Variants in FAM234A observed in about 807,000 individuals in gnomAD.
The protein encoded by FAM234A is family with sequence similarity 234 member A.
FAM234A carries 42 observed loss-of-function variants against 49.1 expected under a neutral mutation model. The ratio of observed to expected loss-of-function variants is 0.86; its 90% CI spans 0.67 to 1.11. The LOEUF is 1.11. FAM234A is among the 50% of genes least tolerant of loss of function. FAM234A has a pLI of 0.00. For missense variants in FAM234A, 815 were observed against 745.2 expected, an observed-to-expected ratio of 1.09 and a Z score of -1.09; for synonymous variants, 369 against 316.2, an observed-to-expected ratio of 1.17 and a Z score of -1.77.
downstream of FAM234A, chr16:268,247 A>G (rs3743877): frequency 0.011 from 2,254 of 214,264 alleles, 85 homozygotes; most frequent in Admixed American, 0.076. Flanking sequence ...CCTCATACGC[A>G]CACACACCCA....
At chr16:261,157 C>G (rs2051448845) in intron 5 of FAM234A, 2 of 479,868 alleles carry the variant, frequency 4.2e-6, no homozygotes, top group Admixed American at 6.9e-5. Context: ...CACCGAGTCT[C>G]CATACACGGG....
chr16:263,833 C>G (rs774107610), intron 10 of FAM234A, 58 bp downstream of exon 10: 1 of 1,493,700 alleles, frequency 6.7e-7, no homozygotes, highest in Non-Finnish European at 9.3e-7. Flanking sequence ...ATAGACTGGT[C>G]TGAAAGCAGA....
intron 1 of FAM234A, among the ~76,000 whole-genome samples, chr16:243,510 T>C (rs750320002): frequency 5.9e-5 from 9 of 152,162 alleles, no homozygotes; most frequent in Non-Finnish European, 1.0e-4. Flanking sequence ...GAGAAAAACA[T>C]TGGTATCTTC....
chr16:246,914 T>G (rs1346108011), intron 1 of FAM234A: 1 of 151,786 alleles, frequency 6.6e-6, no homozygotes, highest in Non-Finnish European at 1.5e-5. Context: ...TAGTTGGGAT[T>G]ATAGGCGCAT....
Position 241,714 on chromosome 16 carries a change from G to A in FAM234A, c.-140+6857G>A, listed in dbSNP as rs573287125. 4.6e-5 allele frequency among the ~76,000 whole-genome samples: 7 copies of A among 152,066 alleles called. No homozygotes were observed. The East Asian group carries it at 1.4e-3, about 29-fold the overall frequency. ...GGGCGGATCACGAGGTCAGCAGATC[G>A]AGACCATCCTGGCTAACACAGTGAA... On this transcript the variant is annotated intron_variant, in intron 1 of 12. Transcript: ENST00000399932.
intron 5 of FAM234A, 168 bp downstream of exon 5, chr16:260,328 G>C: frequency 1.5e-6 from 1 of 660,176 alleles, no homozygotes; most frequent in Non-Finnish European, 2.6e-6. Context: ...CTGCAAGCGT[G>C]TGGAAGGCAC....
downstream of FAM234A, chr16:269,833 A>G: frequency 2.1e-6 from 1 of 476,910 alleles, no homozygotes; most frequent in Non-Finnish European, 3.7e-6. Context: ...GTGTAGAGGA[A>G]TAAACCGCGG....
rs2051510525 is a variant in FAM234A, at chr16:262,542, G to A, written c.960G>A (p.Met320Ile). 3 of 1,605,256 alleles carry A rather than the reference G, an allele frequency of 1.9e-6. No individual in the cohort carries two copies. The highest frequency in any genetic ancestry group is 4.5e-5 in the East Asian group (2 of 44,706). Residue 320 changes from methionine to isoleucine, a missense_variant, in exon 8 of 13, where the codon ATG (methionine) becomes ATA (isoleucine). By Grantham distance (10) the Met-to-Ile change is conservative (BLOSUM62 1). Transcript: ENST00000399932. ...ESMLNATTRR[M>I]LSHSSGAVRY... ...TGCTCAATGCCACCACCCGCAGGAT[G>A]CTTTCCCACAGGTGGGTCCGGGCCG...
Position 260,360 on chromosome 16 carries a change from G to A in FAM234A, c.577+200G>A. On this transcript the variant is annotated intron_variant, in intron 5 of 12. Coordinates refer to ENST00000399932, the MANE Select transcript of FAM234A (RefSeq NM_032039.4). ...GCACACGCCTCGGCTGCCTTCAGCTGCACTGTGTCTGTTACCTCCCGTTAC... is the reference window on the plus strand; with the variant it reads ...GCACACGCCTCGGCTGCCTTCAGCTACACTGTGTCTGTTACCTCCCGTTAC... The A allele has an allele frequency of 6.5e-6, 4 of 613,268 alleles. No homozygotes were observed. The South Asian group carries it at 7.5e-5, about 11-fold the overall frequency. The allele number at this position is 613,268 out of a possible 1,614,324, so 38.0% of individuals were successfully genotyped here. A position where few individuals can be genotyped will look rare whatever the true frequency, so the allele number is the denominator to read the frequency against.
chr16:255,339 A>G (rs2051190004), intron 3 of FAM234A, among the ~76,000 whole-genome samples: 1 of 152,178 alleles, frequency 6.6e-6, no homozygotes, highest in Non-Finnish European at 1.5e-5. Context: ...CTGTCAGTAC[A>G]ATTCCGTTTT....
chr16:255,341 T>C (rs962191416), intron 3 of FAM234A, among the ~76,000 whole-genome samples: 1 of 152,176 alleles, frequency 6.6e-6, no homozygotes, highest in South Asian at 2.1e-4. Context: ...GTCAGTACAA[T>C]TCCGTTTTAG....
Position 265,981 on chromosome 16 carries a change from C to G in FAM234A, c.*959C>G. Reference sequence around the variant, plus strand: ...CTGAGGCCCAAGGGCAGCCATGGTGCTCTGTACTGCTCGGGCCGCCCAGGT... The same window carrying G: ...CTGAGGCCCAAGGGCAGCCATGGTGGTCTGTACTGCTCGGGCCGCCCAGGT... On this transcript the variant is annotated 3_prime_UTR_variant, in exon 13 of 13. Transcript: ENST00000399932. 2 of 985,956 alleles carry G rather than the reference C, an allele frequency of 2.0e-6. No homozygotes were observed. Among genetic ancestry groups the G allele is most frequent in the Non-Finnish European group, 2.4e-6 (2 of 830,014 alleles). 61.1% of individuals were successfully genotyped at this position (985,956 alleles called of 1,614,324 possible). A position where few individuals can be genotyped will look rare whatever the true frequency, so the allele number is the denominator to read the frequency against.
intron 5 of FAM234A, chr16:260,884 C>T (rs1173699894): frequency 6.0e-6 from 2 of 334,674 alleles, no homozygotes; most frequent in Admixed American, 4.0e-5. Flanking sequence ...GTAGATCTGC[C>T]TCCGGGCGCA....
At chr16:269,523 G>T, downstream of FAM234A, 2 of 1,613,266 alleles carry the variant, frequency 1.2e-6, no homozygotes, top group Non-Finnish European at 1.7e-6. Flanking sequence ...TCTCCAGCGG[G>T]ATCCCAGCCT....
At position 264,791 on chromosome 16, in the gene FAM234A, C is replaced by T. The variant is rs201956226; in HGVS notation, c.1448-20C>T. ...GGCTGGTCCTGAGCCGCCCTGACAG[C>T]TGTGTCCCCCACCCTGCAGCCGTCC... On this transcript the variant is annotated intron_variant, in intron 12 of 12. Transcript: ENST00000399932. 28 of 1,607,272 alleles carry T rather than the reference C, an allele frequency of 1.7e-5. No homozygotes were observed. The East Asian group carries it at 4.9e-4, about 28-fold the overall frequency.
intron 1 of FAM234A, among the ~76,000 whole-genome samples, chr16:244,869 T>A (rs2050751659): frequency 6.6e-6 from 1 of 151,232 alleles, no homozygotes; most frequent in Non-Finnish European, 1.5e-5. Flanking sequence ...TTTTTGTATT[T>A]TTAGTAGAGA....
chr16:258,581 G>C (rs868466426), intron 3 of FAM234A, among the ~76,000 whole-genome samples: 1 of 152,170 alleles, frequency 6.6e-6, no homozygotes, highest in African/African-American at 2.4e-5. Context: ...GCAACCATCC[G>C]ATTTCTCAAT....
At chr16:247,812 G>A (rs543018029) in intron 1 of FAM234A, among the ~76,000 whole-genome samples, 3 of 152,102 alleles carry the variant, frequency 2.0e-5, no homozygotes, top group South Asian at 4.1e-4. Context: ...ATGCCTCAAC[G>A]GCTGGCTCGG....
At chr16:254,314 C>T in intron 2 of FAM234A, 67 bp from the exon 3 acceptor site, 1 of 1,351,678 alleles carries the variant, frequency 7.4e-7, no homozygotes, top group Non-Finnish European at 1.0e-6. Flanking sequence ...GCCAGCAGAC[C>T]CCTCTGTGCT....
Sources: allele counts gnomAD v4.1 joint callset (sites outside exome capture counted in the v4.1 genomes callset), GRCh38; gene constraint gnomAD v4.1.1; transcripts MANE v1.5; gene names NCBI Gene and HGNC (gene_info 2026-07-23, HGNC 2026-07-21).